ZC3H12B: variants seen among roughly 807,000 people sequenced by gnomAD.
The protein encoded by ZC3H12B is probable ribonuclease ZC3H12B.
Under a neutral mutation model 43.9 loss-of-function variants are expected in ZC3H12B, and 7 were observed. That is an observed-to-expected ratio of 0.16 (90% CI 0.09 to 0.30). The LOEUF (loss-of-function observed/expected upper bound fraction) is 0.30. Among genes scored for constraint, ZC3H12B ranks in the 10% least tolerant of loss-of-function variants. The pLI, the probability that ZC3H12B is intolerant of heterozygous loss-of-function variation, is 1.00. For synonymous variants in ZC3H12B, 222 were observed against 241.7 expected (o/e 0.92, Z 0.76); for missense variants, 475 against 670.2 (o/e 0.71, Z 3.22).
chrX:65,437,861 T>C (rs1234739309), intron 3 of ZC3H12B, among the ~76,000 whole-genome samples: 1 of 112,546 alleles, frequency 8.9e-6, no homozygotes, highest in East Asian at 2.8e-4. Context: ...TGTTCTCTTT[T>C]AATAGTTTCA....
intron 3 of ZC3H12B, among the ~76,000 whole-genome samples, chrX:65,452,545 T>C (rs2067530498): frequency 9.0e-6 from 1 of 110,501 alleles, no homozygotes; most frequent in Non-Finnish European, 1.9e-5. Context: ...CACAAACAAA[T>C]GAAAACACAT....
the ZC3H12B span, among the ~76,000 whole-genome samples, chrX:65,169,598 T>C: frequency 8.9e-6 from 1 of 111,760 alleles, no homozygotes; most frequent in East Asian, 2.8e-4. Context: ...TTTTTAACTT[T>C]CTGTCTTATT....
At chrX:65,144,873 T>G in the ZC3H12B span, among the ~76,000 whole-genome samples, 13 of 111,798 alleles carry the variant, frequency 1.2e-4, no homozygotes, top group African/African-American at 2.6e-4. Context: ...TATTCAGGTT[T>G]GTTTTGTGGC....
At chrX:65,334,622 G>A in the ZC3H12B span, among the ~76,000 whole-genome samples, 6 of 111,580 alleles carry the variant, frequency 5.4e-5, no homozygotes, top group Non-Finnish European at 1.1e-4. Context: ...ACATATAAAT[G>A]CAGAGAGAGA....
At chrX:65,222,415 T>G in the ZC3H12B span, among the ~76,000 whole-genome samples, 1 of 110,494 alleles carries the variant, frequency 9.1e-6, no homozygotes, top group Non-Finnish European at 1.9e-5. Flanking sequence ...AAACTGTGAC[T>G]ATTTGCTGAT....
chrX:65,124,901 G>A, the ZC3H12B span, among the ~76,000 whole-genome samples: 1 of 110,237 alleles, frequency 9.1e-6, no homozygotes, highest in African/African-American at 3.3e-5. Flanking sequence ...TCTCATTAAT[G>A]GTCTATCAAT....
chrX:65,125,414 T>C, the ZC3H12B span, among the ~76,000 whole-genome samples: 1 of 111,778 alleles, frequency 8.9e-6, no homozygotes, highest in South Asian at 3.7e-4. Context: ...GACTATCTTA[T>C]ATCTTGAAGA....
At chrX:65,060,093 A>C in the ZC3H12B span, among the ~76,000 whole-genome samples, 1 of 107,013 alleles carries the variant, frequency 9.3e-6, no homozygotes, top group East Asian at 2.8e-4. Context: ...TGAATTTATC[A>C]TTTCTAGTAG....
the ZC3H12B span, among the ~76,000 whole-genome samples, chrX:65,142,945 T>C: frequency 2.5e-3 from 277 of 112,098 alleles, 2 homozygotes; most frequent in Non-Finnish European, 4.3e-3. Flanking sequence ...TGCCTCCAGA[T>C]TTTTTCTTTT....
At chrX:65,245,099 A>G in the ZC3H12B span, among the ~76,000 whole-genome samples, 2 of 111,861 alleles carry the variant, frequency 1.8e-5, no homozygotes, top group Non-Finnish European at 1.9e-5. Context: ...CAATCATCAG[A>G]CAATATTATG....
intron 3 of ZC3H12B, among the ~76,000 whole-genome samples, chrX:65,464,661 T>C (rs997060289): frequency 9.0e-6 from 1 of 111,176 alleles, no homozygotes; most frequent in African/African-American, 3.2e-5. Context: ...GTTTAGTTTC[T>C]TTTGTTGTGA....
At chrX:65,348,129 T>A in the ZC3H12B span, among the ~76,000 whole-genome samples, 1 of 111,543 alleles carries the variant, frequency 9.0e-6, no homozygotes, top group East Asian at 2.8e-4. Context: ...ATACCTAATG[T>A]AAATGACGAG....
chrX:65,503,563 A>G (rs965088753), exon 5 of ZC3H12B: 5 of 140,379 alleles, frequency 3.6e-5, no homozygotes, highest in Non-Finnish European at 6.9e-5. Flanking sequence ...AAGAAATCCC[A>G]GAGGATTCCA....
chrX:65,040,747 A>T, the ZC3H12B span, among the ~76,000 whole-genome samples: 1 of 111,413 alleles, frequency 9.0e-6, no homozygotes, highest in Non-Finnish European at 1.9e-5. Flanking sequence ...TAAAGTCCTT[A>T]AAGTTGCTTG....
chrX:65,064,191 C>G, the ZC3H12B span, among the ~76,000 whole-genome samples: 1 of 111,351 alleles, frequency 9.0e-6, no homozygotes, highest in Non-Finnish European at 1.9e-5. Flanking sequence ...TTGTCTTCTG[C>G]TAGCTTTTGA....
the ZC3H12B span, among the ~76,000 whole-genome samples, chrX:65,065,083 G>C: frequency 5.4e-5 from 6 of 110,555 alleles, no homozygotes; most frequent in African/African-American, 2.0e-4. Flanking sequence ...GATGGGTTTT[G>C]ACTCTTTATC....
intron 2 of ZC3H12B, among the ~76,000 whole-genome samples, chrX:65,369,444 T>C (rs1047144029): frequency 2.7e-5 from 3 of 111,843 alleles, no homozygotes; most frequent in African/African-American, 9.8e-5. Context: ...TTTTGTTTTA[T>C]ATCCAAATCT....
intron 2 of ZC3H12B, among the ~76,000 whole-genome samples, chrX:65,389,067 T>G (rs1331009837): frequency 8.9e-6 from 1 of 112,159 alleles, no homozygotes; most frequent in African/African-American, 3.2e-5. Flanking sequence ...GCCTCCCAGT[T>G]AGGCTACTTG....
intron 3 of ZC3H12B, among the ~76,000 whole-genome samples, chrX:65,410,496 G>A (rs777516728): frequency 4.5e-5 from 5 of 111,777 alleles, no homozygotes; most frequent in South Asian, 7.5e-4. Context: ...CTTCTGCACA[G>A]CAAAGAAAAC....
Sources: allele counts gnomAD v4.1 joint callset (sites outside exome capture counted in the v4.1 genomes callset), GRCh38; gene constraint gnomAD v4.1.1; transcripts MANE v1.5; gene names NCBI Gene and HGNC (gene_info 2026-07-23, HGNC 2026-07-21).